Variants in MSR1 observed in about 807,000 individuals in gnomAD.
MSR1 encodes macrophage scavenger receptor 1.
MSR1 carries 53 observed loss-of-function variants against 47.2 expected under a neutral mutation model. The observed-to-expected ratio is 1.12, with a 90% confidence interval of 0.90 to 1.41. MSR1 has a LOEUF of 1.41. Among genes scored for constraint, MSR1 ranks in the 40% most tolerant of loss-of-function variants. MSR1 has a pLI of 0.00. For synonymous variants in MSR1, 239 were observed against 185.6 expected, an observed-to-expected ratio of 1.29 and a Z score of -2.34; for missense variants, 786 against 546.9, an observed-to-expected ratio of 1.44 and a Z score of -4.36.
chr8:16,148,685 C>T (rs534846052), intron 7 of MSR1, among the ~76,000 whole-genome samples: 10 of 151,978 alleles, frequency 6.6e-5, no homozygotes, highest in Non-Finnish European at 1.0e-4. Context: ...TCAAGTGATC[C>T]GCCCACCTCA....
rs373848655 is a variant in MSR1 at position 16,142,316 on chromosome 8, C to A, written c.1033+1242G>T. Reference sequence around the variant, plus strand: ...ACTGCACTCCATCCTGGCGACAGAGCGAGACTCCATCTCAAAACAAACAAA... The same window carrying A: ...ACTGCACTCCATCCTGGCGACAGAGAGAGACTCCATCTCAAAACAAACAAA... On this transcript the variant is annotated intron_variant, in intron 8 of 9. Coordinates refer to ENST00000262101, the MANE Select transcript of MSR1 (RefSeq NM_138715.3). 2.9e-4 allele frequency among the ~76,000 whole-genome samples: 44 copies of A among 151,992 alleles called. 2 individuals carry two copies. The South Asian group carries it at 9.1e-3, about 32-fold the overall frequency.
At chr8:16,167,503 C>G (rs1015353524) in intron 4 of MSR1, among the ~76,000 whole-genome samples, 1 of 152,138 alleles carries the variant, frequency 6.6e-6, no homozygotes, top group Non-Finnish European at 1.5e-5. Context: ...CATGATCTCA[C>G]CATTGCACTC....
chr8:16,139,387 A>G (rs1433458212), intron 8 of MSR1: 43 of 939,950 alleles, frequency 4.6e-5, no homozygotes, highest in African/African-American at 1.8e-5. Flanking sequence ...TGATCCTCAC[A>G]ACAACCCTGT....
At chr8:16,171,847 C>G (rs995384947) in intron 3 of MSR1, among the ~76,000 whole-genome samples, 1 of 152,148 alleles carries the variant, frequency 6.6e-6, no homozygotes, top group African/African-American at 2.4e-5. Flanking sequence ...TGGCGTTGGA[C>G]AAGTTACTTA....
chr8:16,143,736 T>C (rs758032650), intron 7 of MSR1, 125 bp from the exon 8 acceptor site: 6 of 698,748 alleles, frequency 8.6e-6, no homozygotes, highest in African/African-American at 7.1e-5. Flanking sequence ...AAATGTATAA[T>C]AACATTGTAT....
intron 6 of MSR1, among the ~76,000 whole-genome samples, chr8:16,151,042 G>C (rs1426794480): frequency 1.3e-5 from 2 of 151,998 alleles, no homozygotes; most frequent in African/African-American, 4.8e-5. Context: ...TTATATTCCA[G>C]TGAAATAAAA....
At chr8:16,156,514 T>A (rs938527240) in intron 5 of MSR1, among the ~76,000 whole-genome samples, 16 of 151,974 alleles carry the variant, frequency 1.1e-4, no homozygotes, top group African/African-American at 3.9e-4. Flanking sequence ...TCATTATTAC[T>A]CTTCTCAATA....
intron 8 of MSR1, among the ~76,000 whole-genome samples, chr8:16,142,756 G>T (rs909096753): frequency 6.6e-6 from 1 of 152,072 alleles, no homozygotes; most frequent in Non-Finnish European, 1.5e-5. Flanking sequence ...GATTAAATAT[G>T]ATCACCCTGT....
At chr8:16,122,370 A>C (rs1284239411) in intron 8 of MSR1, among the ~76,000 whole-genome samples, 1 of 152,106 alleles carries the variant, frequency 6.6e-6, no homozygotes. Flanking sequence ...TGATATCCAA[A>C]TGTTTATTTT....
At chr8:16,165,137 G>A (rs1471024515) in intron 4 of MSR1, among the ~76,000 whole-genome samples, 1 of 151,948 alleles carries the variant, frequency 6.6e-6, no homozygotes, top group Non-Finnish European at 1.5e-5. Flanking sequence ...TACTTCTATA[G>A]AACATCTTCC....
intron 5 of MSR1, among the ~76,000 whole-genome samples, chr8:16,155,408 T>C (rs373954350): frequency 6.6e-6 from 1 of 152,030 alleles, no homozygotes; most frequent in African/African-American, 2.4e-5. Context: ...TTTTCTATGT[T>C]CTGAGAACCT....
chr8:16,176,283 G>A (rs1002916935), intron 2 of MSR1, among the ~76,000 whole-genome samples: 3 of 152,154 alleles, frequency 2.0e-5, no homozygotes, highest in Non-Finnish European at 4.4e-5. Flanking sequence ...AAGGCGGGAG[G>A]ATGGCTTGAG....
intron 9 of MSR1, among the ~76,000 whole-genome samples, chr8:16,112,317 T>C (rs1160687758): frequency 1.3e-5 from 2 of 152,150 alleles, no homozygotes. Flanking sequence ...TAATGATAAT[T>C]ATCTCCATTT....
Position 16,164,215 on chromosome 8 carries a change from A to T in MSR1, c.667T>A (p.Ser223Thr), listed in dbSNP as rs755018336. 7 of 1,612,256 alleles carry T rather than the reference A, an allele frequency of 4.3e-6. No individual in the cohort carries two copies. Among genetic ancestry groups the T allele is most frequent in the Non-Finnish European group, 5.9e-6 (7 of 1,179,050 alleles). The change falls in exon 5 of 10, where the codon TCA (serine) becomes ACA (threonine). Residue 223 changes from serine to threonine, a missense_variant. Ser to Thr is a moderately conservative substitution (Grantham distance 58). Coordinates refer to ENST00000262101, the MANE Select transcript of MSR1 (RefSeq NM_138715.3). ...SKLEERVYNV[S>T]AEIMAMKEEQ... is the part of the protein sequence containing the mutation. ...TCTTTCATAGCCATAATTTCTGCTG[A>T]TACATTGTAAACACGCTCCTCTAAT... is the stretch of plus-strand genomic sequence containing the variant.
At chr8:16,183,727 ATT>A (rs1236595430) in intron 1 of MSR1, among the ~76,000 whole-genome samples, 2 of 143,142 alleles carry the variant, frequency 1.4e-5, no homozygotes, top group Non-Finnish European at 3.0e-5. Context: ...ATATTTGGCA[ATT>A]ATATAATATA....
chr8:16,168,308 T>C (rs777198017), intron 4 of MSR1, 150 bp downstream of exon 4: 1 of 775,660 alleles, frequency 1.3e-6, no homozygotes. Context: ...TTAACATTCG[T>C]TTAAAATCTG....
chr8:16,149,669 A>C (rs545924409), intron 7 of MSR1, among the ~76,000 whole-genome samples: 56 of 152,282 alleles, frequency 3.7e-4, no homozygotes, highest in African/African-American at 1.3e-3. Context: ...ATGTGTGTAC[A>C]TTTCAAAATG....
intron 5 of MSR1, 130 bp downstream of exon 5, chr8:16,163,935 G>GT (rs1347569113): frequency 1.5e-6 from 1 of 677,336 alleles, no homozygotes; most frequent in Non-Finnish European, 2.3e-6. Flanking sequence ...TTTCCTTTGG[G>GT]TATTTGCAGT....
At chr8:16,112,410 T>C (rs1026371960) in intron 9 of MSR1, among the ~76,000 whole-genome samples, 1 of 152,170 alleles carries the variant, frequency 6.6e-6, no homozygotes, top group African/African-American at 2.4e-5. Context: ...CAGAACATGA[T>C]GACACTTAAA....
Sources: allele counts gnomAD v4.1 joint callset (sites outside exome capture counted in the v4.1 genomes callset), GRCh38; gene constraint gnomAD v4.1.1; transcripts MANE v1.5; gene names NCBI Gene and HGNC (gene_info 2026-07-23, HGNC 2026-07-21).